DNAH5: variants seen among roughly 807,000 people sequenced by gnomAD.
The protein encoded by DNAH5 is dynein axonemal heavy chain 5, also known as axonemal beta dynein heavy chain 5.
A neutral mutation model predicts 518.2 loss-of-function variants in DNAH5; 372 were observed. The observed-to-expected ratio is 0.72, with a 90% CI of 0.66 to 0.78. The LOEUF (loss-of-function observed/expected upper bound fraction) is 0.78, where lower values mean the gene tolerates loss of function less well. Ranked by LOEUF, DNAH5 falls within the 30% of genes least tolerant of loss-of-function variation. The pLI is 0.00. For missense variants in DNAH5, 5,523 were observed against 5,687.0 expected, an observed-to-expected ratio of 0.97 and a Z score of 0.93; for synonymous variants, 2,039 against 2,025.9, an observed-to-expected ratio of 1.01 and a Z score of -0.17.
intron 40 of DNAH5, among the ~76,000 whole-genome samples, chr5:13,822,640 C>T (rs532037581): frequency 6.6e-6 from 1 of 152,102 alleles, no homozygotes; most frequent in Admixed American, 6.5e-5. Flanking sequence ...ACATTTTTTT[C>T]CAAACTCTTC....
intron 47 of DNAH5, among the ~76,000 whole-genome samples, chr5:13,806,003 T>C (rs1326613034): frequency 1.3e-5 from 2 of 152,102 alleles, no homozygotes; most frequent in Non-Finnish European, 2.9e-5. Flanking sequence ...GTTCATACAG[T>C]CTCATGAAGT....
chr5:13,809,079 C>T lies in DNAH5; in HGVS notation c.7717G>A (p.Asp2573Asn). The T allele has an allele frequency of 1.2e-6, 2 of 1,614,210 alleles. No individual in the cohort carries two copies. Among genetic ancestry groups the T allele is most frequent in the South Asian group, 1.1e-5 (1 of 91,088 alleles). The change falls in exon 46 of 79, where the codon GAC becomes AAC. Residue 2573 changes from aspartate to asparagine, a missense_variant. Around this residue, in one of 3 missense-constraint regions of DNAH5, gnomAD observed 5,121 missense variants for 5,223.3 expected, o/e 0.98. Coordinates refer to ENST00000265104, the MANE Select transcript of DNAH5 (RefSeq NM_001369.3). ...TTAGCAATGGTTTGAATTAGAAAGTCAGTCCTCACATTGTCAACATTTGGC... is the reference window on the plus strand; with the variant it reads ...TTAGCAATGGTTTGAATTAGAAAGTTAGTCCTCACATTGTCAACATTTGGC... ...LVPNVDNVRT[D>N]FLIQTIAKQG... is the part of the protein sequence containing the mutation.
At position 13,890,981 on chromosome 5, in the gene DNAH5, T is replaced by C; in HGVS notation, c.2572A>G (p.Thr858Ala). 1.2e-6 allele frequency: 2 copies of C among 1,614,136 alleles called. No homozygotes were observed. Among genetic ancestry groups the C allele is most frequent in the Non-Finnish European group, 1.7e-6 (2 of 1,180,002 alleles). ...PLTCEEFLQM[T>A]KDLCVNGAQI... The stretch of plus-strand genomic sequence containing the variant: ...AAAATCAAGGTTTTAATGACCTTTG[T>C]CATTTGGAGAAACTCTTCACAGGTT... The change falls in exon 17 of 79, where the codon ACA (threonine) becomes GCA (alanine). Residue 858 changes from threonine (T) to alanine (A), a missense_variant. By Grantham distance (58) the Thr-to-Ala change is moderately conservative. Around this residue, in one of 3 missense-constraint regions of DNAH5, gnomAD observed 5,121 missense variants for 5,223.3 expected, o/e 0.98. Coordinates refer to ENST00000265104, the MANE Select transcript of DNAH5 (RefSeq NM_001369.3).
intron 22 of DNAH5, among the ~76,000 whole-genome samples, chr5:13,875,205 C>T (rs1044586275): frequency 2.0e-5 from 3 of 152,096 alleles, no homozygotes; most frequent in Non-Finnish European, 4.4e-5. Context: ...CGGTGGCTCA[C>T]GACTGTAATC....
At chr5:13,738,815 G>C (rs1303352500) in intron 65 of DNAH5, among the ~76,000 whole-genome samples, 6 of 152,096 alleles carry the variant, frequency 3.9e-5, no homozygotes, top group African/African-American at 1.4e-4. Context: ...TATCTGTGAT[G>C]CTAAAGAAAA....
intron 59 of DNAH5, among the ~76,000 whole-genome samples, chr5:13,765,254 A>G (rs1752364626): frequency 6.6e-6 from 1 of 152,064 alleles, no homozygotes; most frequent in South Asian, 2.1e-4. Context: ...GTTGTTAAAC[A>G]TTTCTCACAC....
intron 21 of DNAH5, 97 bp from the exon 22 acceptor site, chr5:13,876,914 C>T (rs1395068135): frequency 8.1e-7 from 1 of 1,235,712 alleles, no homozygotes; most frequent in African/African-American, 1.5e-5. Flanking sequence ...GCAAGGACTT[C>T]TGAAAATCTT....
At chr5:13,738,121 A>G (rs1317833203) in intron 65 of DNAH5, among the ~76,000 whole-genome samples, 1 of 151,510 alleles carries the variant, frequency 6.6e-6, no homozygotes, top group Non-Finnish European at 1.5e-5. Context: ...GAAGTAACAG[A>G]GGAAGGAAGA....
At chr5:13,866,361 T>C in intron 25 of DNAH5, 79 bp from the exon 26 acceptor site, 1 of 1,221,806 alleles carries the variant, frequency 8.2e-7, no homozygotes, top group East Asian at 2.4e-5. Context: ...TATTTAAATA[T>C]TAAAGTTAGG....
chr5:13,911,316 T>C lies in DNAH5; in HGVS notation c.1644+70A>G. On this transcript the variant is annotated intron_variant, in intron 12 of 78. Coordinates refer to ENST00000265104, the MANE Select transcript of DNAH5 (RefSeq NM_001369.3). ...CCTCTGCCTTCTGATTGGGTAATGA[T>C]TAACGGCATTATACAGAAAGGAAAA... 5.8e-6 allele frequency: 7 copies of C among 1,205,828 alleles called. No homozygotes were observed. The South Asian group carries it at 6.1e-5, about 10-fold the overall frequency. The allele number at this position is 1,205,828 out of a possible 1,614,324, so 74.7% of individuals were successfully genotyped here.
chr5:13,777,996 C>G (rs1408902879), intron 53 of DNAH5, among the ~76,000 whole-genome samples: 1 of 152,230 alleles, frequency 6.6e-6, no homozygotes, highest in African/African-American at 2.4e-5. Context: ...TTAGAGAGTT[C>G]CCACTGTGGA....
intron 19 of DNAH5, among the ~76,000 whole-genome samples, chr5:13,883,687 A>G (rs1771979541): frequency 6.6e-6 from 1 of 152,246 alleles, no homozygotes; most frequent in Non-Finnish European, 1.5e-5. Context: ...TGTATCATGC[A>G]TAACTTTACG....
chr5:13,738,796 G>A (rs1415288439), intron 65 of DNAH5, among the ~76,000 whole-genome samples: 2 of 152,248 alleles, frequency 1.3e-5, no homozygotes, highest in Non-Finnish European at 2.9e-5. Context: ...CTTGCTATAT[G>A]AGAGACTCTA....
intron 1 of DNAH5, chr5:13,932,366 T>C (rs1230996023): frequency 6.6e-6 from 1 of 152,226 alleles, no homozygotes; most frequent in Non-Finnish European, 1.5e-5. Flanking sequence ...GGGGTGGGGA[T>C]GACAGGACAG....
rs114618939 is a variant in DNAH5 at position 13,770,728 on chromosome 5, G to C, written c.9605+21C>G. Reference sequence around the variant, plus strand: ...AGAGCCACGGCTTTAATATAGCTTTGTATAAGAACATCACACTTACCTGTT... The same window carrying C: ...AGAGCCACGGCTTTAATATAGCTTTCTATAAGAACATCACACTTACCTGTT... On this transcript the variant is annotated intron_variant, in intron 56 of 78. Transcript: ENST00000265104. 2,764 of 1,604,124 alleles carry C rather than the reference G, an allele frequency of 1.7e-3. 54 individuals are homozygous for C. The African/African-American group carries it at 0.034, about 19-fold the overall frequency.
intron 22 of DNAH5, among the ~76,000 whole-genome samples, chr5:13,873,448 T>C (rs1426703981): frequency 6.6e-6 from 1 of 152,142 alleles, no homozygotes; most frequent in Non-Finnish European, 1.5e-5. Context: ...TATTATTTAA[T>C]ATTAAATATG....
At chr5:13,798,744 A>AT (rs1758246261) in intron 47 of DNAH5, among the ~76,000 whole-genome samples, 1 of 28,428 alleles carries the variant, frequency 3.5e-5, no homozygotes, top group Non-Finnish European at 7.0e-5. Flanking sequence ...TATTTATTTT[A>AT]TTTATTTATT....
chr5:13,974,551 T>G (rs747015617), intron 1 of DNAH5, among the ~76,000 whole-genome samples: 2 of 152,162 alleles, frequency 1.3e-5, no homozygotes, highest in Non-Finnish European at 2.9e-5. Context: ...CAAGGTAAAG[T>G]TCAATAGGGA....
intron 1 of DNAH5, among the ~76,000 whole-genome samples, chr5:13,963,913 C>T (rs1274829575): frequency 1.3e-5 from 2 of 152,162 alleles, no homozygotes; most frequent in South Asian, 2.1e-4. Context: ...AGTAATCCTG[C>T]CACCTCAGCC....
Sources: allele counts gnomAD v4.1 joint callset (sites outside exome capture counted in the v4.1 genomes callset), GRCh38; gene constraint gnomAD v4.1.1; regional missense constraint gnomAD v4.1.1; transcripts MANE v1.5; gene names NCBI Gene and HGNC (gene_info 2026-07-23, HGNC 2026-07-21).